AHI1: variants seen among roughly 807,000 people sequenced by gnomAD.
AHI1 encodes the protein jouberin.
Under a neutral mutation model 149.3 loss-of-function variants are expected in AHI1, and 123 were observed. The observed-to-expected ratio is 0.82, with a 90% confidence interval of 0.71 to 0.96. The LOEUF (loss-of-function observed/expected upper bound fraction) is 0.96. Ranked by LOEUF, AHI1 falls within the 40% of genes least tolerant of loss-of-function variation. The probability of loss-of-function intolerance (pLI) is 0.00; values close to 1 mark genes in which losing one functional copy is unlikely to be tolerated. For missense variants in AHI1, 1,439 were observed against 1,422.7 expected, an observed-to-expected ratio of 1.01 and a Z score of -0.18; for synonymous variants, 475 against 459.8, an observed-to-expected ratio of 1.03 and a Z score of -0.42.
At chr6:135,429,768 T>C (rs1784390686) in intron 18 of AHI1, 114 bp downstream of exon 18, 2 of 562,290 alleles carry the variant, frequency 3.6e-6, no homozygotes, top group Non-Finnish European at 6.0e-6. Context: ...AGATGTTCCT[T>C]GGTGAGTGTG....
rs1782535268 is a variant in AHI1 at position 135,292,835 on chromosome 6, C to G, written c.3486-2310G>C. 2.0e-5 allele frequency among the ~76,000 whole-genome samples: 3 copies of G among 152,164 alleles called. No individual in the cohort carries two copies. In the South Asian group the frequency reaches 6.2e-4, roughly 31 times the overall value. ...GAAATTACACAAGGAGGAAGTAATA[C>G]TAAATCTACACAAACTATTCTAGAA... On this transcript the variant is annotated intron_variant, in intron 27 of 28. Coordinates refer to ENST00000265602, the MANE Select transcript of AHI1 (RefSeq NM_001134831.2).
At chr6:135,287,502 T>C (rs1781831811) in intron 28 of AHI1, among the ~76,000 whole-genome samples, 1 of 152,126 alleles carries the variant, frequency 6.6e-6, no homozygotes, top group Non-Finnish European at 1.5e-5. Context: ...GCACACTGGC[T>C]TGATGAACGC....
At chr6:135,383,225 CCTTT>C in intron 23 of AHI1, among the ~76,000 whole-genome samples, 1 of 58,762 alleles carries the variant, frequency 1.7e-5, no homozygotes, top group East Asian at 4.6e-4. Flanking sequence ...TTCCCCCCTC[CCTTT>C]TTTTTTTTTT....
intron 23 of AHI1, among the ~76,000 whole-genome samples, chr6:135,383,895 C>T (rs1777220027): frequency 6.6e-6 from 1 of 152,202 alleles, no homozygotes; most frequent in East Asian, 1.9e-4. Context: ...TCTCATCTCA[C>T]CTGTTGCAGC....
intron 27 of AHI1, among the ~76,000 whole-genome samples, chr6:135,291,660 A>C (rs1327551150): frequency 6.6e-6 from 1 of 152,210 alleles, no homozygotes; most frequent in Non-Finnish European, 1.5e-5. Flanking sequence ...CCCTGAATAG[A>C]CTAATGAAGA....
intron 26 of AHI1, among the ~76,000 whole-genome samples, chr6:135,303,422 T>C (rs1784134338): frequency 6.6e-6 from 1 of 152,226 alleles, no homozygotes; most frequent in African/African-American, 2.4e-5. Context: ...TTTGTTTATA[T>C]CTACTTTGTA....
chr6:135,493,914 G>C (rs1795610908), intron 3 of AHI1, among the ~76,000 whole-genome samples: 1 of 152,160 alleles, frequency 6.6e-6, no homozygotes, highest in Non-Finnish European at 1.5e-5. Flanking sequence ...GTGGTGGTGG[G>C]TGCCTGTAAT....
intron 23 of AHI1, among the ~76,000 whole-genome samples, chr6:135,383,154 T>C (rs1777087370): frequency 2.0e-5 from 3 of 148,756 alleles, no homozygotes; most frequent in Non-Finnish European, 4.4e-5. Context: ...TATATAAATA[T>C]ATACACTGTA....
intron 23 of AHI1, among the ~76,000 whole-genome samples, chr6:135,392,022 A>G (rs1228636620): frequency 3.3e-5 from 5 of 152,212 alleles, no homozygotes; most frequent in Non-Finnish European, 7.3e-5. Flanking sequence ...AAAAAACCCA[A>G]GAGTTCCATT....
chr6:135,379,357 ACT>A lies in AHI1; in HGVS notation c.3109+15417_3109+15418del, dbSNP rs907121081. ...TCCACGTTAATGATTTAACATCTCC[ACT>A]CTCTTACTTCAACCCCCTTCTCCTA... On this transcript the variant is annotated intron_variant, in intron 23 of 28. Coordinates refer to ENST00000265602, the MANE Select transcript of AHI1 (RefSeq NM_001134831.2). Among the ~76,000 whole-genome samples, 53 of 151,482 alleles carry A rather than the reference ACT, an allele frequency of 3.5e-4. 1 individual carries two copies. The highest frequency in any genetic ancestry group is 2.0e-4 in the Admixed American group (3 of 15,202).
At chr6:135,348,950 G>A (rs535335867) in intron 24 of AHI1, among the ~76,000 whole-genome samples, 3 of 152,198 alleles carry the variant, frequency 2.0e-5, no homozygotes, top group African/African-American at 7.2e-5. Context: ...GATGGTATGA[G>A]GCACAAATAT....
At chr6:135,488,701 T>C (rs892162368) in intron 5 of AHI1, among the ~76,000 whole-genome samples, 2 of 152,176 alleles carry the variant, frequency 1.3e-5, no homozygotes, top group Non-Finnish European at 2.9e-5. Context: ...TTATTATGAA[T>C]CCCTATTTTG....
Position 135,352,675 on chromosome 6 carries a change from G to T in AHI1, c.3165+5457C>A, listed in dbSNP as rs1359921139. Among the ~76,000 whole-genome samples, 3 of 148,344 alleles carry T rather than the reference G, an allele frequency of 2.0e-5. No individual in the cohort carries two copies. In the Admixed American group the frequency reaches 2.0e-4, roughly 10 times the overall value. On this transcript the variant is annotated intron_variant, in intron 24 of 28. Coordinates refer to ENST00000265602, the MANE Select transcript of AHI1 (RefSeq NM_001134831.2). Reference sequence around the variant, plus strand: ...CAGGTCACTTTTCTAATGACATCAAGAACTACTCAAAGACACATTGTGTGT... The same window carrying T: ...CAGGTCACTTTTCTAATGACATCAATAACTACTCAAAGACACATTGTGTGT...
chr6:135,457,808 C>G lies in AHI1; in HGVS notation c.932-95G>C, dbSNP rs1330821954. The G allele has an allele frequency of 4.9e-6, 6 of 1,217,542 alleles. No homozygotes were observed. The Admixed American group carries it at 1.1e-4, about 23-fold the overall frequency. 75.4% of individuals were successfully genotyped at this position (1,217,542 alleles called of 1,614,324 possible). A position where few individuals can be genotyped will look rare whatever the true frequency, so the allele number is the denominator to read the frequency against. On this transcript the variant is annotated intron_variant, in intron 8 of 28. Coordinates refer to ENST00000265602, the MANE Select transcript of AHI1 (RefSeq NM_001134831.2). The stretch of plus-strand genomic sequence containing the variant: ...ATCTTTAAGATCTGTGATGATCTCA[C>G]TGTGTTCAAAGGAACTTCAGGGGGA...
intron 19 of AHI1, 117 bp downstream of exon 19, chr6:135,428,512 T>C: frequency 4.0e-6 from 5 of 1,260,314 alleles, no homozygotes; most frequent in African/African-American, 1.5e-5. Context: ...AAAAACATAA[T>C]TGAAAACCCA....
At chr6:135,479,283 A>C (rs944873515) in intron 5 of AHI1, among the ~76,000 whole-genome samples, 2 of 152,234 alleles carry the variant, frequency 1.3e-5, no homozygotes, top group Non-Finnish European at 2.9e-5. Flanking sequence ...CCATGCACCC[A>C]GAAAAGCCAC....
chr6:135,333,860 T>A (rs1465150078), intron 24 of AHI1, among the ~76,000 whole-genome samples: 1 of 152,182 alleles, frequency 6.6e-6, no homozygotes, highest in Non-Finnish European at 1.5e-5. Flanking sequence ...TTTACCAAAC[T>A]AAGTACTCAA....
chr6:135,378,950 CCT>C (rs1776315987), intron 23 of AHI1, among the ~76,000 whole-genome samples: 2 of 152,206 alleles, frequency 1.3e-5, no homozygotes, highest in South Asian at 4.1e-4. Context: ...CACTAAATAG[CCT>C]CTTCCAGCTT....
intron 3 of AHI1, chr6:135,492,730 C>T (rs1795420208): frequency 2.0e-6 from 2 of 985,126 alleles, no homozygotes; most frequent in Non-Finnish European, 2.4e-6. Flanking sequence ...ATTTAAATAC[C>T]TCTGTGTCTG....
Sources: allele counts gnomAD v4.1 joint callset (sites outside exome capture counted in the v4.1 genomes callset), GRCh38; gene constraint gnomAD v4.1.1; transcripts MANE v1.5; gene names NCBI Gene and HGNC (gene_info 2026-07-23, HGNC 2026-07-21).